The following NBAS variants were observed in gnomAD, a reference collection of about 807,000 sequenced individuals.
The protein encoded by NBAS is NBAS subunit of NRZ tethering complex.
A neutral mutation model predicts 302.5 loss-of-function variants in NBAS; 219 were observed. The ratio of observed to expected loss-of-function variants is 0.72; its 90% CI spans 0.65 to 0.81. The LOEUF is 0.81. Ranked by LOEUF, NBAS falls within the 30% of genes least tolerant of loss-of-function variation. The pLI is 0.00. For synonymous variants in NBAS, 1,118 were observed against 1,021.6 expected (o/e 1.09, Z -1.80); for missense variants, 2,932 against 2,841.6 (o/e 1.03, Z -0.72).
At chr2:15,374,491 T>C (rs1202873522) in intron 31 of NBAS, 117 bp downstream of exon 31, 2 of 854,814 alleles carry the variant, frequency 2.3e-6, no homozygotes, top group African/African-American at 3.3e-5. Flanking sequence ...GGGCAGGATC[T>C]ATTGCTAATG....
chr2:14,914,922 G>A, the NBAS span, among the ~76,000 whole-genome samples: 1 of 152,184 alleles, frequency 6.6e-6, no homozygotes, highest in Non-Finnish European at 1.5e-5. Context: ...TGGAAGTCAG[G>A]AAAGTTTCAC....
chr2:14,948,806 G>A, the NBAS span, among the ~76,000 whole-genome samples: 37 of 152,144 alleles, frequency 2.4e-4, no homozygotes, highest in Non-Finnish European at 4.3e-4. Flanking sequence ...AAAGAACAAA[G>A]GTGGAGGCAT....
the NBAS span, among the ~76,000 whole-genome samples, chr2:15,021,425 G>A: frequency 6.6e-6 from 1 of 152,176 alleles, no homozygotes; most frequent in African/African-American, 2.4e-5. Context: ...CACTGAGGAG[G>A]AGATGCATTA....
chr2:14,840,881 A>G, the NBAS span, among the ~76,000 whole-genome samples: 1 of 151,898 alleles, frequency 6.6e-6, no homozygotes. Flanking sequence ...AACTCAGAAT[A>G]CTCCCAATAT....
chr2:15,108,382 A>T, the NBAS span, among the ~76,000 whole-genome samples: 1 of 152,158 alleles, frequency 6.6e-6, no homozygotes, highest in Admixed American at 6.5e-5. Flanking sequence ...ACAGCCAATA[A>T]GGATGGATAT....
the NBAS span, among the ~76,000 whole-genome samples, chr2:15,155,992 G>C: frequency 6.6e-6 from 1 of 152,166 alleles, no homozygotes; most frequent in African/African-American, 2.4e-5. Flanking sequence ...AGTCTTAAAA[G>C]CTTCTTTTAT....
At chr2:15,425,830 A>G (rs946391781) in intron 22 of NBAS, among the ~76,000 whole-genome samples, 7 of 152,030 alleles carry the variant, frequency 4.6e-5, no homozygotes, top group Admixed American at 4.6e-4. Flanking sequence ...TTTCCTCCTC[A>G]GCACCCTTTG....
the NBAS span, among the ~76,000 whole-genome samples, chr2:14,915,737 T>G: frequency 6.6e-6 from 1 of 152,146 alleles, no homozygotes; most frequent in Non-Finnish European, 1.5e-5. Flanking sequence ...TTATTTTGTA[T>G]TTTTAGTAGA....
intron 44 of NBAS, among the ~76,000 whole-genome samples, chr2:15,267,005 AC>A (rs1395277459): frequency 6.6e-6 from 1 of 152,214 alleles, no homozygotes; most frequent in Non-Finnish European, 1.5e-5. Context: ...GCTATCTATC[AC>A]CCAGCTTTTC....
chr2:15,270,122 T>C (rs1375082901), intron 44 of NBAS, among the ~76,000 whole-genome samples: 1 of 152,232 alleles, frequency 6.6e-6, no homozygotes, highest in African/African-American at 2.4e-5. Flanking sequence ...ATGCTATTCA[T>C]GTCAACCTAT....
At chr2:15,377,150 G>C (rs529176284) in intron 30 of NBAS, among the ~76,000 whole-genome samples, 1 of 152,234 alleles carries the variant, frequency 6.6e-6, no homozygotes, top group South Asian at 2.1e-4. Context: ...TAAAATATTT[G>C]AGATAGGCAT....
At chr2:15,383,349 G>A in intron 28 of NBAS, 32 bp from the exon 29 acceptor site, 1 of 1,585,286 alleles carries the variant, frequency 6.3e-7, no homozygotes, top group Non-Finnish European at 8.7e-7. Context: ...ACAAGGAAGA[G>A]GGAAAGAAAA....
the NBAS span, among the ~76,000 whole-genome samples, chr2:15,085,844 C>G: frequency 6.6e-6 from 1 of 152,192 alleles, no homozygotes; most frequent in Non-Finnish European, 1.5e-5. Flanking sequence ...CCTGCCACCT[C>G]AGGCCCTGGA....
the NBAS span, among the ~76,000 whole-genome samples, chr2:14,963,565 C>T: frequency 6.6e-6 from 1 of 152,206 alleles, no homozygotes; most frequent in African/African-American, 2.4e-5. Context: ...TACTTTCCTT[C>T]TGGGAACCTG....
At chr2:15,441,904 CAAAG>C (rs1678434536) in intron 21 of NBAS, among the ~76,000 whole-genome samples, 1 of 150,756 alleles carries the variant, frequency 6.6e-6, no homozygotes. Context: ...TCAAAAGAGA[CAAAG>C]AAGGCCATTA....
chr2:14,787,712 C>T, the NBAS span, among the ~76,000 whole-genome samples: 1 of 152,164 alleles, frequency 6.6e-6, no homozygotes, highest in East Asian at 1.9e-4. Context: ...GATGGGCTTC[C>T]CTTTGTGGGT....
In NBAS at chr2:15,416,193, CA is replaced by C. The variant is rs562204693; in HGVS notation, c.2764-475del. ...AAAAAAGTAGAAAGACAGAGATACA[CA>C]AATAAGCACAGGTTCTAAAATAGGG... On this transcript the variant is annotated intron_variant, in intron 24 of 51. Coordinates refer to ENST00000281513, the MANE Select transcript of NBAS (RefSeq NM_015909.4). 7.2e-5 allele frequency among the ~76,000 whole-genome samples: 11 copies of C among 152,192 alleles called. 1 individual carries two copies. The South Asian group carries it at 1.5e-3, about 20-fold the overall frequency.
chr2:14,948,570 C>T, the NBAS span, among the ~76,000 whole-genome samples: 7 of 151,662 alleles, frequency 4.6e-5, no homozygotes, highest in Non-Finnish European at 1.0e-4. Flanking sequence ...ACAAGGAAAA[C>T]CATGAAGCAA....
chr2:15,022,096 C>T, the NBAS span, among the ~76,000 whole-genome samples: 10 of 152,178 alleles, frequency 6.6e-5, no homozygotes, highest in South Asian at 4.2e-4. Flanking sequence ...GCCTCAGCTG[C>T]GGGGTGTCAA....
Sources: gnomAD v4.1 joint callset for allele counts (sites outside exome capture counted in the v4.1 genomes callset) on GRCh38, gnomAD v4.1.1 for gene constraint, MANE v1.5 for transcripts, NCBI Gene and HGNC (gene_info 2026-07-23, HGNC 2026-07-21) for gene names.